Variants in NCK2 observed in about 807,000 individuals in gnomAD.
NCK2 encodes the protein cytoplasmic protein NCK2.
NCK2 carries 16 observed loss-of-function variants against 33.9 expected under a neutral mutation model. The observed-to-expected ratio is 0.47, with a 90% CI of 0.32 to 0.72. The LOEUF is 0.72. NCK2 is among the 30% of genes least tolerant of loss of function. The pLI, the probability that NCK2 is intolerant of heterozygous loss-of-function variation, is 0.03. For synonymous variants in NCK2, 273 were observed against 239.9 expected (o/e 1.14, Z -1.27); for missense variants, 418 against 537.3 (o/e 0.78, Z 2.19).
intron 4 of NCK2, among the ~76,000 whole-genome samples, chr2:105,887,443 G>A (rs763894774): frequency 6.6e-6 from 1 of 152,062 alleles, no homozygotes; most frequent in Non-Finnish European, 1.5e-5. Flanking sequence ...GATGCTTGGA[G>A]ACTTCAGCGT....
At chr2:105,762,453 G>A (rs527862963) in intron 1 of NCK2, among the ~76,000 whole-genome samples, 11 of 152,284 alleles carry the variant, frequency 7.2e-5, no homozygotes, top group South Asian at 4.1e-4. Context: ...CTAGAGATTC[G>A]CTGAAGCTCA....
At position 105,878,433 on chromosome 2, in the gene NCK2, T is replaced by G. The variant is rs150155525; in HGVS notation, c.227-2895T>G. On this transcript the variant is annotated intron_variant, in intron 3 of 4. Coordinates refer to ENST00000233154, the MANE Select transcript of NCK2 (RefSeq NM_003581.5). ...TGGTGTTCTTATAAGAAAAGGAGAT[T>G]GGAACACAAAGAAAAGGAGATTGGA... Among the ~76,000 whole-genome samples, 329 of 152,176 alleles carry G rather than the reference T, an allele frequency of 2.2e-3. 1 individual carries two copies. Among genetic ancestry groups the G allele is most frequent in the African/African-American group, 6.9e-3 (288 of 41,478 alleles).
chr2:105,815,356 T>C (rs1675441879), intron 1 of NCK2, among the ~76,000 whole-genome samples: 1 of 152,248 alleles, frequency 6.6e-6, no homozygotes, highest in South Asian at 2.1e-4. Flanking sequence ...TATCTTTGAC[T>C]AAAATAGAAT....
intron 1 of NCK2, among the ~76,000 whole-genome samples, chr2:105,765,412 A>G (rs1392780332): frequency 6.6e-6 from 1 of 152,172 alleles, no homozygotes; most frequent in Non-Finnish European, 1.5e-5. Flanking sequence ...GCATTCCATC[A>G]TGGTCATCCT....
chr2:105,787,899 C>T (rs554006252), intron 1 of NCK2, among the ~76,000 whole-genome samples: 11 of 151,908 alleles, frequency 7.2e-5, no homozygotes, highest in East Asian at 3.9e-4. Context: ...ATGCGTATAC[C>T]GCCCCCCACC....
intron 3 of NCK2, among the ~76,000 whole-genome samples, chr2:105,868,752 T>C (rs940894944): frequency 2.0e-5 from 3 of 152,212 alleles, no homozygotes; most frequent in African/African-American, 7.2e-5. Flanking sequence ...ACAGTTACGT[T>C]TAAAAAGTGA....
intron 2 of NCK2, among the ~76,000 whole-genome samples, chr2:105,852,602 C>T (rs1379376136): frequency 6.6e-6 from 1 of 152,102 alleles, no homozygotes; most frequent in Admixed American, 6.5e-5. Context: ...CTTTGATTGG[C>T]GAGATCTTGA....
chr2:105,805,556 AC>A (rs1675000530), intron 1 of NCK2, among the ~76,000 whole-genome samples: 2 of 152,112 alleles, frequency 1.3e-5, no homozygotes, highest in South Asian at 4.1e-4. Flanking sequence ...TCCCGAACTT[AC>A]TCATAACCAA....
chr2:105,801,008 G>A (rs1428967975), intron 1 of NCK2, among the ~76,000 whole-genome samples: 2 of 152,130 alleles, frequency 1.3e-5, no homozygotes, highest in African/African-American at 2.4e-5. Flanking sequence ...TTTTCTAAAC[G>A]CAGAAAAAAG....
At chr2:105,849,599 C>A (rs1676984225) in intron 2 of NCK2, among the ~76,000 whole-genome samples, 1 of 152,084 alleles carries the variant, frequency 6.6e-6, no homozygotes, top group African/African-American at 2.4e-5. Flanking sequence ...AGTAAGTGAC[C>A]AGGTGGTCTC....
chr2:105,795,585 T>C (rs1375366934), intron 1 of NCK2, among the ~76,000 whole-genome samples: 1 of 152,244 alleles, frequency 6.6e-6, no homozygotes, highest in African/African-American at 2.4e-5. Context: ...GCTCCGTCAG[T>C]GGTTCTCAGC....
At chr2:105,820,496 G>A (rs972975993) in intron 2 of NCK2, among the ~76,000 whole-genome samples, 21 of 152,224 alleles carry the variant, frequency 1.4e-4, no homozygotes, top group African/African-American at 3.1e-4. Context: ...CCATTTCCAC[G>A]TGGTGCATTT....
intron 3 of NCK2, among the ~76,000 whole-genome samples, chr2:105,869,380 C>T (rs563444228): frequency 3.0e-4 from 45 of 152,280 alleles, no homozygotes; most frequent in African/African-American, 1.1e-3. Context: ...TTACTGGGCC[C>T]TCATAACAGC....
chr2:105,765,666 G>GTT (rs72433026), intron 1 of NCK2, among the ~76,000 whole-genome samples: 49,715 of 148,386 alleles, frequency 0.34, 9,324 homozygotes, highest in East Asian at 0.46. Context: ...TGGGTAGTGG[G>GTT]TTTTTTTTTT....
intron 2 of NCK2, among the ~76,000 whole-genome samples, chr2:105,827,616 A>G (rs1676003171): frequency 6.6e-6 from 1 of 152,238 alleles, no homozygotes; most frequent in Admixed American, 6.5e-5. Context: ...CCAAAAAACA[A>G]ACAGTAACAA....
intron 1 of NCK2, among the ~76,000 whole-genome samples, chr2:105,752,983 A>G (rs1689499578): frequency 6.6e-6 from 1 of 152,224 alleles, no homozygotes; most frequent in Non-Finnish European, 1.5e-5. Context: ...CCTCACCAAC[A>G]GAACGTGTGG....
intron 1 of NCK2, among the ~76,000 whole-genome samples, chr2:105,806,872 TC>T (rs1675066765): frequency 6.6e-6 from 1 of 152,200 alleles, no homozygotes; most frequent in Non-Finnish European, 1.5e-5. Context: ...ACAGAATCTT[TC>T]TGAACCTTTT....
chr2:105,889,678 G>A (rs1250656195), intron 4 of NCK2, among the ~76,000 whole-genome samples: 1 of 151,496 alleles, frequency 6.6e-6, no homozygotes, highest in East Asian at 1.9e-4. Flanking sequence ...TGACCTCCCG[G>A]GCTCAAGTGA....
At chr2:105,822,800 C>T (rs190666039) in intron 2 of NCK2, among the ~76,000 whole-genome samples, 2 of 151,972 alleles carry the variant, frequency 1.3e-5, no homozygotes, top group Non-Finnish European at 2.9e-5. Context: ...TTCGTGAATT[C>T]TCTTTAATGC....
Sources: allele counts gnomAD v4.1 joint callset (sites outside exome capture counted in the v4.1 genomes callset), GRCh38; gene constraint gnomAD v4.1.1; transcripts MANE v1.5; gene names NCBI Gene and HGNC (gene_info 2026-07-23, HGNC 2026-07-21).